SNX29: variants seen among roughly 807,000 people sequenced by gnomAD.
SNX29 encodes the protein sorting nexin-29.
In SNX29, 78 loss-of-function variants were observed where a neutral mutation model predicts 102.1. That is an observed-to-expected ratio of 0.76 (90% CI 0.64 to 0.92). The LOEUF is 0.92. SNX29 is among the 40% of genes least tolerant of loss of function. SNX29 has a pLI of 0.00. For missense variants in SNX29, 1,280 were observed against 1,061.7 expected (o/e 1.21, Z -2.86); for synonymous variants, 580 against 414.5 (o/e 1.40, Z -4.85).
At chr16:12,562,302 C>G (rs113882822) in intron 20 of SNX29, among the ~76,000 whole-genome samples, 1 of 152,190 alleles carries the variant, frequency 6.6e-6, no homozygotes, top group East Asian at 1.9e-4. Context: ...CAAACGTTAT[C>G]GTTGGCTTTG....
intron 16 of SNX29, among the ~76,000 whole-genome samples, chr16:12,397,136 G>A (rs768450130): frequency 1.3e-5 from 2 of 152,158 alleles, no homozygotes; most frequent in Non-Finnish European, 2.9e-5. Context: ...CAAGCAATCT[G>A]CCCACCTTGA....
chr16:12,527,530 C>T (rs2076819710), intron 20 of SNX29: 1 of 398,088 alleles, frequency 2.5e-6, no homozygotes, highest in Admixed American at 3.6e-5. Context: ...AGAGGGCCCC[C>T]CATTTTCCTG....
chr16:12,000,877 C>G (rs964674036), intron 2 of SNX29, among the ~76,000 whole-genome samples: 1 of 152,140 alleles, frequency 6.6e-6, no homozygotes, highest in Non-Finnish European at 1.5e-5. Context: ...GCTCTCTGCT[C>G]TTCTGTAACT....
chr16:11,976,972 C>T (rs9925628), intron 1 of SNX29, 159 bp downstream of exon 1: 25 of 966,838 alleles, frequency 2.6e-5, no homozygotes, highest in Admixed American at 4.4e-5. Flanking sequence ...ACTCCCGGCT[C>T]GTGGCCCCTG....
Position 12,562,555 on chromosome 16 carries a change from C to T in SNX29, c.2319-5951C>T, listed in dbSNP as rs534881734. On this transcript the variant is annotated intron_variant, in intron 20 of 20. Coordinates refer to ENST00000566228, the MANE Select transcript of SNX29 (RefSeq NM_032167.5). ...ACACAGCCAGGAGTCATCTAAGACACTGTCCCCGTGGTCCCTAGTTTTTAC... is the reference window on the plus strand; with the variant it reads ...ACACAGCCAGGAGTCATCTAAGACATTGTCCCCGTGGTCCCTAGTTTTTAC... Among the ~76,000 whole-genome samples, 9 of 152,338 alleles carry T rather than the reference C, an allele frequency of 5.9e-5. No individual in the cohort carries two copies. In the East Asian group the frequency reaches 1.7e-3, roughly 29 times the overall value.
In SNX29 at chr16:12,468,727, C is replaced by G. The variant is rs982231956; in HGVS notation, c.2038-8992C>G. Among the ~76,000 whole-genome samples, 10 of 152,314 alleles carry G rather than the reference C, an allele frequency of 6.6e-5. No individual in the cohort carries two copies. In the Middle Eastern group the frequency reaches 0.01, roughly 155 times the overall value. On this transcript the variant is annotated intron_variant, in intron 18 of 20. Coordinates refer to ENST00000566228, the MANE Select transcript of SNX29 (RefSeq NM_032167.5). Reference sequence around the variant, plus strand: ...CCGGAGCTTGGTATACAACAGGCCACCTGGTGGTGACTGAGGAGGGAACAC... The same window carrying G: ...CCGGAGCTTGGTATACAACAGGCCAGCTGGTGGTGACTGAGGAGGGAACAC...
intron 18 of SNX29, among the ~76,000 whole-genome samples, chr16:12,414,599 G>T (rs189046264): frequency 4.6e-4 from 70 of 152,262 alleles, no homozygotes; most frequent in Non-Finnish European, 7.2e-4. Flanking sequence ...TAGCCAGCTG[G>T]TCTTTTCTGC....
At chr16:12,071,644 G>C (rs1332929545) in intron 10 of SNX29, among the ~76,000 whole-genome samples, 1 of 152,132 alleles carries the variant, frequency 6.6e-6, no homozygotes, top group African/African-American at 2.4e-5. Context: ...GGATTGACTT[G>C]GCAATGCGGC....
At chr16:12,422,008 C>G (rs536467782) in intron 18 of SNX29, among the ~76,000 whole-genome samples, 93 of 152,324 alleles carry the variant, frequency 6.1e-4, no homozygotes, top group African/African-American at 2.2e-3. Context: ...CCATCCATCC[C>G]TTTCATCGTC....
At chr16:12,271,688 T>C (rs1283251452) in intron 14 of SNX29, among the ~76,000 whole-genome samples, 2 of 151,910 alleles carry the variant, frequency 1.3e-5, no homozygotes, top group East Asian at 1.9e-4. Flanking sequence ...AGTGGCGTGA[T>C]CTCAGCTCAC....
At chr16:12,428,787 AC>A (rs2085190787) in intron 18 of SNX29, among the ~76,000 whole-genome samples, 2 of 152,200 alleles carry the variant, frequency 1.3e-5, no homozygotes, top group African/African-American at 4.8e-5. Context: ...ATACATAGAT[AC>A]GATGGCAATT....
chr16:12,176,342 A>G (rs930203064), intron 13 of SNX29, among the ~76,000 whole-genome samples: 3 of 152,178 alleles, frequency 2.0e-5, no homozygotes, highest in African/African-American at 4.8e-5. Flanking sequence ...GAGTCTTTAG[A>G]CAAGCTGATA....
At chr16:12,412,779 C>T (rs548518821) in intron 18 of SNX29, among the ~76,000 whole-genome samples, 6 of 152,072 alleles carry the variant, frequency 3.9e-5, no homozygotes, top group Admixed American at 6.5e-5. Context: ...GTGGACACAC[C>T]CTCTTGGCAG....
chr16:12,150,893 A>G (rs2055271170), intron 13 of SNX29, among the ~76,000 whole-genome samples: 1 of 152,312 alleles, frequency 6.6e-6, no homozygotes, highest in African/African-American at 2.4e-5. Context: ...GGAGGAGGGT[A>G]TGAGGCCGGA....
chr16:12,075,164 C>T (rs935760834), intron 10 of SNX29, among the ~76,000 whole-genome samples: 4 of 152,224 alleles, frequency 2.6e-5, no homozygotes, highest in African/African-American at 7.2e-5. Context: ...TCTCTCAACT[C>T]GTCAAAGTCA....
intron 16 of SNX29, among the ~76,000 whole-genome samples, chr16:12,367,917 A>G (rs918651447): frequency 1.3e-5 from 2 of 152,234 alleles, no homozygotes; most frequent in African/African-American, 4.8e-5. Flanking sequence ...ACACAAAATT[A>G]TTTGGAAAGA....
At chr16:12,327,163 C>A (rs1352644611) in intron 15 of SNX29, among the ~76,000 whole-genome samples, 1 of 152,114 alleles carries the variant, frequency 6.6e-6, no homozygotes, top group Non-Finnish European at 1.5e-5. Flanking sequence ...GGCTTAATTT[C>A]ATGTTTTTTG....
chr16:11,993,523 G>A (rs1349516991), intron 1 of SNX29, among the ~76,000 whole-genome samples: 1 of 152,144 alleles, frequency 6.6e-6, no homozygotes, highest in Non-Finnish European at 1.5e-5. Context: ...TTTATTAAAT[G>A]CTTGGTATAT....
At chr16:12,016,348 G>A (rs1473494405) in intron 3 of SNX29, among the ~76,000 whole-genome samples, 1 of 152,112 alleles carries the variant, frequency 6.6e-6, no homozygotes, top group Admixed American at 6.5e-5. Context: ...TAGGTTTCCA[G>A]GAGTTGGGTT....
Sources: gnomAD v4.1 joint callset for allele counts (sites outside exome capture counted in the v4.1 genomes callset) on GRCh38, gnomAD v4.1.1 for gene constraint, MANE v1.5 for transcripts, NCBI Gene and HGNC (gene_info 2026-07-23, HGNC 2026-07-21) for gene names.